SYN2: variants seen among roughly 807,000 people sequenced by gnomAD.
SYN2 encodes synapsin-2.
Under a neutral mutation model 50.9 loss-of-function variants are expected in SYN2, and 19 were observed. That is an observed-to-expected ratio of 0.37 (90% CI 0.26 to 0.55). The LOEUF is 0.55. Ranked by LOEUF, SYN2 falls within the 20% of genes least tolerant of loss-of-function variation. SYN2 has a pLI of 0.81. For missense variants in SYN2, 587 were observed against 576.4 expected (o/e 1.02, Z -0.19); for synonymous variants, 255 against 224.9 (o/e 1.13, Z -1.20).
chr3:12,051,129 T>G (rs1694851954), intron 1 of SYN2, among the ~76,000 whole-genome samples: 1 of 152,184 alleles, frequency 6.6e-6, no homozygotes, highest in African/African-American at 2.4e-5. Flanking sequence ...TAGAAAATTC[T>G]GGATAAGAAT....
chr3:12,156,525 A>T (rs567483217), intron 5 of SYN2, among the ~76,000 whole-genome samples: 24 of 152,320 alleles, frequency 1.6e-4, no homozygotes, highest in African/African-American at 4.8e-4. Context: ...ATCTTATACT[A>T]ATTTAAACTA....
At chr3:12,126,332 G>T (rs1268436210) in intron 1 of SYN2, among the ~76,000 whole-genome samples, 1 of 152,166 alleles carries the variant, frequency 6.6e-6, no homozygotes, top group Non-Finnish European at 1.5e-5. Flanking sequence ...TCTGCCATAT[G>T]TATATTCTGT....
chr3:12,093,804 CCT>C (rs778620634), intron 1 of SYN2, among the ~76,000 whole-genome samples: 1 of 152,036 alleles, frequency 6.6e-6, no homozygotes, highest in South Asian at 2.1e-4. Context: ...ATCTCTATCC[CCT>C]GACTGCCTTT....
chr3:12,069,341 C>T (rs1229428004), intron 1 of SYN2, among the ~76,000 whole-genome samples: 12 of 152,048 alleles, frequency 7.9e-5, no homozygotes, highest in Admixed American at 3.9e-4. Flanking sequence ...CTCCGCCTCC[C>T]GGGTTCAAGC....
chr3:12,099,131 ACTTCAC>A (rs1249419132), intron 1 of SYN2, among the ~76,000 whole-genome samples: 1 of 152,152 alleles, frequency 6.6e-6, no homozygotes, highest in African/African-American at 2.4e-5. Context: ...AGACTTCAGT[ACTTCAC>A]CTTCAATTAT....
In SYN2 at chr3:12,024,149, CTTTTTT is replaced by C. The variant is rs35513783; in HGVS notation, c.377+19241_377+19246del. Among the ~76,000 whole-genome samples the C allele has an allele frequency of 7.3e-5, 5 of 68,338 alleles. No individual in the cohort carries two copies. In the South Asian group the frequency reaches 2.2e-3, roughly 30 times the overall value. 44.8% of individuals were successfully genotyped at this position (68,338 alleles called of 152,430 possible). A position where few individuals can be genotyped will look rare whatever the true frequency, so the allele number is the denominator to read the frequency against. On this transcript the variant is annotated intron_variant, in intron 1 of 12. Transcript: ENST00000621198. ...TAAGCCTTCTGTCCATCATTACTTC[CTTTTTT>C]TTTTTTTTTTTTTTTTTTTGAGACA...
intron 7 of SYN2, among the ~76,000 whole-genome samples, chr3:12,166,178 T>C (rs1270177729): frequency 6.6e-6 from 1 of 152,196 alleles, no homozygotes; most frequent in African/African-American, 2.4e-5. Context: ...CCTCAGTGTC[T>C]GAAATCAGAT....
chr3:12,171,227 T>G (rs1461525394), intron 10 of SYN2, among the ~76,000 whole-genome samples: 2 of 152,224 alleles, frequency 1.3e-5, no homozygotes, highest in Non-Finnish European at 2.9e-5. Flanking sequence ...AAACCCACTA[T>G]TTAATTACTA....
intron 5 of SYN2, chr3:12,158,949 C>A (rs537394690): frequency 7.2e-7 from 1 of 1,397,110 alleles, no homozygotes; most frequent in African/African-American, 1.5e-5. Context: ...TATGAGGTGG[C>A]CCTAAGGGCC....
chr3:12,121,674 A>G (rs1305277936), intron 1 of SYN2, among the ~76,000 whole-genome samples: 7 of 141,752 alleles, frequency 4.9e-5, no homozygotes, highest in Admixed American at 4.2e-4. Flanking sequence ...AAGGAAGGGA[A>G]GGAGAAAGGA....
chr3:12,141,005 C>T (rs1353266921), intron 2 of SYN2, among the ~76,000 whole-genome samples: 1 of 151,992 alleles, frequency 6.6e-6, no homozygotes, highest in Non-Finnish European at 1.5e-5. Context: ...CTGAGGAAAA[C>T]TTTAGAGGGC....
At chr3:12,177,612 C>T (rs1208858922) in intron 10 of SYN2, among the ~76,000 whole-genome samples, 3 of 152,152 alleles carry the variant, frequency 2.0e-5, no homozygotes, top group Admixed American at 1.3e-4. Context: ...CTTCCTGCTT[C>T]CCACAGCAGG....
At chr3:12,171,538 G>T (rs756130898) in intron 10 of SYN2, among the ~76,000 whole-genome samples, 28 of 152,268 alleles carry the variant, frequency 1.8e-4, no homozygotes, top group Admixed American at 2.6e-4. Context: ...AGACAGAATG[G>T]GCTGCTCTGG....
chr3:12,090,865 C>T (rs1288525879), intron 1 of SYN2, among the ~76,000 whole-genome samples: 1 of 152,120 alleles, frequency 6.6e-6, no homozygotes, highest in Non-Finnish European at 1.5e-5. Context: ...CAGGAGAGGA[C>T]AGCATAGCAC....
chr3:12,112,358 C>A (rs1052574536), intron 1 of SYN2, among the ~76,000 whole-genome samples: 1 of 152,040 alleles, frequency 6.6e-6, no homozygotes, highest in African/African-American at 2.4e-5. Context: ...TGATTAATTG[C>A]CCCTGTCAAA....
chr3:12,180,611 TCTC>T (rs932861629), intron 10 of SYN2, among the ~76,000 whole-genome samples: 48 of 152,198 alleles, frequency 3.2e-4, no homozygotes, highest in African/African-American at 1.1e-3. Context: ...CCTTGGGAAT[TCTC>T]CTCCCCGCCT....
chr3:12,070,315 T>A (rs1412509721), intron 1 of SYN2: 3 of 504,438 alleles, frequency 5.9e-6, no homozygotes, highest in South Asian at 4.8e-5. Flanking sequence ...CTGAGCCGTG[T>A]TCCCCTCCAT....
In SYN2 at chr3:12,169,102, A is replaced by G. The variant is rs1025171188; in HGVS notation, c.1158+624A>G. On this transcript the variant is annotated intron_variant, in intron 9 of 12. Coordinates refer to ENST00000621198, the MANE Select transcript of SYN2 (RefSeq NM_133625.6). Reference sequence around the variant, plus strand: ...ATTCAGAATCTATCTCATTTCCTGCATGGTCTATAACCTTCTAAATGGTCA... The same window carrying G: ...ATTCAGAATCTATCTCATTTCCTGCGTGGTCTATAACCTTCTAAATGGTCA... Among the ~76,000 whole-genome samples the G allele has an allele frequency of 2.0e-5, 3 of 152,188 alleles. No homozygotes were observed. In the East Asian group the frequency reaches 5.8e-4, roughly 29 times the overall value.
intron 1 of SYN2, among the ~76,000 whole-genome samples, chr3:12,044,590 G>A (rs1694696431): frequency 6.6e-6 from 1 of 152,110 alleles, no homozygotes; most frequent in South Asian, 2.1e-4. Context: ...AAAATAGGAG[G>A]AATCCTTTTA....
Sources: gnomAD v4.1 joint callset for allele counts (sites outside exome capture counted in the v4.1 genomes callset) on GRCh38, gnomAD v4.1.1 for gene constraint, MANE v1.5 for transcripts, NCBI Gene and HGNC (gene_info 2026-07-23, HGNC 2026-07-21) for gene names.